Variants in PKD1 observed in about 807,000 individuals in gnomAD.
PKD1 encodes the protein polycystin 1, transient receptor potential channel interacting, also known as polycystin-1.
PKD1 carries 81 observed loss-of-function variants against 361.7 expected under a neutral mutation model. The observed-to-expected ratio is 0.22, with a 90% CI of 0.19 to 0.27. The LOEUF (loss-of-function observed/expected upper bound fraction) is 0.27. PKD1 is among the 10% of genes least tolerant of loss of function. PKD1 has a pLI of 1.00. For missense variants in PKD1, 6,399 were observed against 6,118.3 expected (o/e 1.05, Z -1.53); for synonymous variants, 3,615 against 2,818.3 (o/e 1.28, Z -8.95).
intron 16 of PKD1, 70 bp from the exon 17 acceptor site, chr16:2,107,018 G>C: frequency 6.8e-7 from 1 of 1,460,834 alleles, no homozygotes; most frequent in Middle Eastern, 2.4e-4. Flanking sequence ...GGGACCCATG[G>C]AGGATGCTGC....
rs745498965 is a variant in PKD1, at chr16:2,118,803, C to A, written c.402G>T (p.Ala134=). ...GCTCCTCCGCCCATCGCGGCAGCCA[C>A]GCCAGGCCACAGTCACACTCAAACG... ...GNPFECDCGL[A]WLPRWAEEQQ... The change falls in exon 4 of 46, where the codon GCG becomes GCT. Residue 134 remains alanine, a synonymous_variant. Coordinates refer to ENST00000262304, the MANE Select transcript of PKD1 (RefSeq NM_001009944.3). This position sits in a 1 kb window ranked among gnomAD's most constrained non-coding sequence, Gnocchi z 6.0. 14 of 1,582,554 alleles carry A rather than the reference C, an allele frequency of 8.8e-6. No homozygotes were observed. In the African/African-American group the frequency reaches 1.3e-4, roughly 15 times the overall value.
rs766749006 is a variant in PKD1, at chr16:2,103,908, G to A, written c.8162-13C>T. 9.7e-5 allele frequency: 143 copies of A among 1,479,776 alleles called. No individual in the cohort carries two copies. Among genetic ancestry groups the A allele is most frequent in the Middle Eastern group, 2.5e-4 (1 of 3,998 alleles). 91.7% of individuals were successfully genotyped at this position (1,479,776 alleles called of 1,614,324 possible). A position where few individuals can be genotyped will look rare whatever the true frequency, so the allele number is the denominator to read the frequency against. On this transcript the variant is annotated splice_polypyrimidine_tract_variant and intron_variant, in intron 22 of 45. Coordinates refer to ENST00000262304, the MANE Select transcript of PKD1 (RefSeq NM_001009944.3). ...TGGATGAGGTCTCCTGCAGACATGC[G>A]TGAGGTCAGTGCAGAGACAGGGAGG...
chr16:2,091,369 G>A (rs1368382047), intron 42 of PKD1, 54 bp downstream of exon 42: 32 of 1,006,218 alleles, frequency 3.2e-5, no homozygotes, highest in South Asian at 4.6e-5. Context: ...GGCCCCGCGA[G>A]GGGGCGGGAC....
At position 2,089,582 on chromosome 16, in the gene PKD1, C is replaced by G; in HGVS notation, c.*145G>C. On this transcript the variant is annotated 3_prime_UTR_variant, in exon 46 of 46. Coordinates refer to ENST00000262304, the MANE Select transcript of PKD1 (RefSeq NM_001009944.3). Reference sequence around the variant, plus strand: ...CACAGCCTCTTTAAAGTGCTGAAGCCCACAGACAGACAGATGCCCCTGCCT... The same window carrying G: ...CACAGCCTCTTTAAAGTGCTGAAGCGCACAGACAGACAGATGCCCCTGCCT... The G allele has an allele frequency of 9.6e-7, 1 of 1,043,770 alleles. No homozygotes were observed. Among genetic ancestry groups the G allele is most frequent in the Non-Finnish European group, 1.4e-6 (1 of 714,682 alleles). The allele number at this position is 1,043,770 out of a possible 1,614,324, so 64.7% of individuals were successfully genotyped here.
rs374129201 is a variant in PKD1, at chr16:2,111,115, C to T, written c.4052G>A (p.Arg1351Gln). ...CAGCGCCAGGGGGAACGTGCCGCTCCGCGTGAAGTTGTGTGTCACCGTCGG... is the reference window on the plus strand; with the variant it reads ...CAGCGCCAGGGGGAACGTGCCGCTCTGCGTGAAGTTGTGTGTCACCGTCGG... ...GCPTVTHNFT[R>Q]SGTFPLALVL... is the part of the protein sequence containing the mutation. Residue 1351 changes from arginine (R) to glutamine (Q), a missense_variant, in exon 15 of 46, where the codon CGG (arginine) becomes CAG (glutamine). Coordinates refer to ENST00000262304, the MANE Select transcript of PKD1 (RefSeq NM_001009944.3). 1.0e-4 allele frequency: 162 copies of T among 1,610,688 alleles called. 1 individual carries two copies. The East Asian group carries it at 1.5e-3, about 15-fold the overall frequency.
rs763926049 is a variant in PKD1, at chr16:2,100,469, C to T, written c.9495G>A (p.Leu3165=). 1.9e-6 allele frequency: 3 copies of T among 1,610,868 alleles called. No individual in the cohort carries two copies. The South Asian group carries it at 3.3e-5, about 18-fold the overall frequency. The change falls in exon 27 of 46, where the codon CTG becomes CTA. Residue 3165 remains leucine (L), a synonymous_variant. Coordinates refer to ENST00000262304, the MANE Select transcript of PKD1 (RefSeq NM_001009944.3). This position sits in a 1 kb window ranked among gnomAD's most constrained non-coding sequence, Gnocchi z 4.4. The stretch of plus-strand genomic sequence containing the variant: ...GCGGGGTGGCGATCCGGAAGATGTC[C>T]AGGCTGTTGCGGTGGAAGGCTCTGT... ...DGDRAFHRNS[L]DIFRIATPHS...
Position 2,117,382 on chromosome 16 carries a change from G to A in PKD1, c.1385+107C>T, listed in dbSNP as rs533394320. 23 of 837,768 alleles carry A rather than the reference G, an allele frequency of 2.7e-5. 1 individual carries two copies. Among genetic ancestry groups the A allele is most frequent in the East Asian group, 1.1e-4 (4 of 37,416 alleles). The allele number at this position is 837,768 out of a possible 1,614,324, so 51.9% of individuals were successfully genotyped here. A position where few individuals can be genotyped will look rare whatever the true frequency, so the allele number is the denominator to read the frequency against. ...CCGGCGCCACCTGCTCACCAGGGCC[G>A]GCCCAGCTCCCACCTCCTTCCTCCT... On this transcript the variant is annotated intron_variant, in intron 6 of 45. Coordinates refer to ENST00000262304, the MANE Select transcript of PKD1 (RefSeq NM_001009944.3).
intron 32 of PKD1, 94 bp from the exon 33 acceptor site, chr16:2,097,597 G>T: frequency 1.2e-6 from 2 of 1,609,484 alleles, no homozygotes; most frequent in Middle Eastern, 2.3e-4. Context: ...GGGCTTCCGA[G>T]CAAACCTGCT....
Position 2,090,267 on chromosome 16 carries a change from C to CCA in PKD1, c.12444+16_12444+17dup. ...AGCCCAGGGCGTGTCCCTCTCCCCC[C>CCA]CACTGGGCCGTACCCACCTCCTTGA... On this transcript the variant is annotated intron_variant, in intron 45 of 45. Transcript: ENST00000262304. 2.5e-6 allele frequency: 4 copies of CCA among 1,608,736 alleles called. No homozygotes were observed. The highest frequency in any genetic ancestry group is 3.4e-6 in the Non-Finnish European group (4 of 1,177,506).
chr16:2,113,802 C>A (rs1477241500), intron 11 of PKD1: 1 of 406,718 alleles, frequency 2.5e-6, no homozygotes, highest in Admixed American at 3.9e-5. Context: ...CGCGGGCAGC[C>A]CGCAGTTTCC....
At position 2,110,074 on chromosome 16, in the gene PKD1, C is replaced by T. The variant is rs569887918; in HGVS notation, c.5093G>A (p.Arg1698Gln). Reference sequence around the variant, plus strand: ...GGCGCTGCCCAGCATGTTGGTGGCCCGCAGCTGCACATGGTAGGTGCCGGC... The same window carrying T: ...GGCGCTGCCCAGCATGTTGGTGGCCTGCAGCTGCACATGGTAGGTGCCGGC... ...LEAGTYHVQLRATNMLGSAWA... is the reference protein window; with the variant it reads ...LEAGTYHVQLQATNMLGSAWA... The change falls in exon 15 of 46, where the codon CGG (arginine) becomes CAG (glutamine). Residue 1698 changes from arginine (R) to glutamine (Q), a missense_variant. Arg to Gln is a conservative substitution (Grantham distance 43, BLOSUM62 1). Transcript: ENST00000262304. 4.0e-5 allele frequency: 65 copies of T among 1,609,758 alleles called. No homozygotes were observed. The highest frequency in any genetic ancestry group is 2.5e-4 in the South Asian group (23 of 90,858).
intron 16 of PKD1, 124 bp from the exon 17 acceptor site, chr16:2,107,072 G>C (rs2092364077): frequency 3.5e-6 from 3 of 859,114 alleles, no homozygotes; most frequent in East Asian, 5.1e-5. Context: ...CTGCCGGTGA[G>C]CTCACTCCCT....
intron 1 of PKD1, among the ~76,000 whole-genome samples, chr16:2,125,524 G>A (rs1350485073): frequency 2.1e-5 from 2 of 96,096 alleles, no homozygotes; most frequent in Non-Finnish European, 2.2e-5. Flanking sequence ...AGGTCCTCCC[G>A]GGACCCACAG....
chr16:2,115,838 C>T (rs965563868), intron 9 of PKD1, among the ~76,000 whole-genome samples, 154 bp downstream of exon 9: 2 of 152,208 alleles, frequency 1.3e-5, no homozygotes, highest in African/African-American at 4.8e-5. Context: ...CCCAGGACAC[C>T]TGGAATGAGC....
Position 2,108,578 on chromosome 16 carries a change from G to A in PKD1, c.6589C>T (p.Arg2197Trp), listed in dbSNP as rs771638566. 61 of 1,559,354 alleles carry A rather than the reference G, an allele frequency of 3.9e-5. No homozygotes were observed. Among genetic ancestry groups the A allele is most frequent in the Admixed American group, 3.6e-4 (19 of 52,370 alleles). ...WEVYRTASCQ[R>W]PGRPARVALP... The stretch of plus-strand genomic sequence containing the variant: ...GCCACACGCGCTGGGCGCCCCGGCC[G>A]CTGGCAGCTGGCGGTGCGATACACC... Residue 2197 changes from arginine (R) to tryptophan (W), a missense_variant, in exon 15 of 46, where the codon CGG (arginine) becomes TGG (tryptophan). Arg to Trp is a moderately radical substitution (Grantham distance 101). Transcript: ENST00000262304.
rs1289647609 is a variant in PKD1 at position 2,100,711 on chromosome 16, G to A, written c.9398-145C>T. On this transcript the variant is annotated intron_variant, in intron 26 of 45. Coordinates refer to ENST00000262304, the MANE Select transcript of PKD1 (RefSeq NM_001009944.3). This position sits in a 1 kb window ranked among gnomAD's most constrained non-coding sequence, Gnocchi z 4.4. ...CTTTGCACGGCTCTGCCATACACAAGGAGCTGCGGTTACTGCAATTTGTCC... is the reference window on the plus strand; with the variant it reads ...CTTTGCACGGCTCTGCCATACACAAAGAGCTGCGGTTACTGCAATTTGTCC... 1.5e-6 allele frequency: 1 copy of A among 662,122 alleles called. No individual in the cohort carries two copies. The highest frequency in any genetic ancestry group is 2.6e-6 in the Non-Finnish European group (1 of 377,884). 41.0% of individuals were successfully genotyped at this position (662,122 alleles called of 1,614,324 possible). A position where few individuals can be genotyped will look rare whatever the true frequency, so the allele number is the denominator to read the frequency against.
Position 2,118,652 on chromosome 16 carries a change from C to A in PKD1, c.529+24G>T, listed in dbSNP as rs1323413524. 2.3e-6 allele frequency: 3 copies of A among 1,326,340 alleles called. No homozygotes were observed. Among genetic ancestry groups the A allele is most frequent in the Non-Finnish European group, 3.1e-6 (3 of 956,112 alleles). The allele number at this position is 1,326,340 out of a possible 1,614,324, so 82.2% of individuals were successfully genotyped here. On this transcript the variant is annotated intron_variant, in intron 4 of 45. Coordinates refer to ENST00000262304, the MANE Select transcript of PKD1 (RefSeq NM_001009944.3). This position sits in a 1 kb window ranked among gnomAD's most constrained non-coding sequence, Gnocchi z 6.0. Reference sequence around the variant, plus strand: ...TCCCACCTGGCTGGGAAGGACAGAGCTGGCCCCACCCACCGGCACTCACCA... The same window carrying A: ...TCCCACCTGGCTGGGAAGGACAGAGATGGCCCCACCCACCGGCACTCACCA...
At position 2,115,317 on chromosome 16, in the gene PKD1, C is replaced by A; in HGVS notation, c.2097+61G>T. The A allele has an allele frequency of 1.6e-5, 22 of 1,416,940 alleles. No individual in the cohort carries two copies. The Middle Eastern group carries it at 7.4e-4, about 48-fold the overall frequency. The allele number at this position is 1,416,940 out of a possible 1,614,324, so 87.8% of individuals were successfully genotyped here. A position where few individuals can be genotyped will look rare whatever the true frequency, so the allele number is the denominator to read the frequency against. On this transcript the variant is annotated intron_variant, in intron 10 of 45. Coordinates refer to ENST00000262304, the MANE Select transcript of PKD1 (RefSeq NM_001009944.3). ...CTGGTGCACAGACCCAGACCCTGGG[C>A]AGCAGACAGGAAGGTGGCCTGAGGA...
chr16:2,098,458 G>A (rs1369915585), intron 30 of PKD1, among the ~76,000 whole-genome samples: 12 of 149,454 alleles, frequency 8.0e-5, no homozygotes, highest in Non-Finnish European at 1.0e-4. Context: ...TGATCTGCCC[G>A]CCTCCGCCTC....
Sources: gnomAD v4.1 joint callset for allele counts (sites outside exome capture counted in the v4.1 genomes callset) on GRCh38, gnomAD v4.1.1 for gene constraint, Gnocchi (gnomAD v3.1) non-coding constraint, MANE v1.5 for transcripts, NCBI Gene and HGNC (gene_info 2026-07-23, HGNC 2026-07-21) for gene names.